The following DNAH7 variants were observed in gnomAD, a reference collection of about 807,000 sequenced individuals.
DNAH7 encodes the protein dynein axonemal heavy chain 7, also known as axonemal beta dynein heavy chain 7.
In DNAH7, 397 loss-of-function variants were observed where a neutral mutation model predicts 444.6. The observed-to-expected ratio is 0.89, with a 90% CI of 0.82 to 0.97. The LOEUF (loss-of-function observed/expected upper bound fraction) is 0.97, where lower values mean the gene tolerates loss of function less well. Ranked by LOEUF, DNAH7 falls within the 50% of genes least tolerant of loss-of-function variation. The pLI is 0.00. For synonymous variants in DNAH7, 1,636 were observed against 1,624.4 expected, an observed-to-expected ratio of 1.01 and a Z score of -0.17; for missense variants, 4,902 against 4,800.8, an observed-to-expected ratio of 1.02 and a Z score of -0.62.
At chr2:195,937,583 G>C (rs575191022) in intron 19 of DNAH7, among the ~76,000 whole-genome samples, 1 of 152,134 alleles carries the variant, frequency 6.6e-6, no homozygotes, top group East Asian at 1.9e-4. Context: ...AGTAAATAGA[G>C]TTTATTGATT....
At chr2:196,022,078 G>C (rs759543637) in intron 8 of DNAH7, among the ~76,000 whole-genome samples, 6 of 152,024 alleles carry the variant, frequency 3.9e-5, no homozygotes, top group Non-Finnish European at 5.9e-5. Context: ...AGTGAGCCAA[G>C]ATCACACCAC....
Position 195,792,161 on chromosome 2 carries a change from T to C in DNAH7, c.10716+2177A>G, listed in dbSNP as rs565184617. On this transcript the variant is annotated intron_variant, in intron 57 of 64. Coordinates refer to ENST00000312428, the MANE Select transcript of DNAH7 (RefSeq NM_018897.3). ...CAACCTGGGCAATAGAGTGAGACCC[T>C]GTCTCAAAAAAAAAAAAAAAAAAAA... Among the ~76,000 whole-genome samples the C allele has an allele frequency of 2.9e-3, 238 of 81,432 alleles. 1 individual carries two copies. The highest frequency in any genetic ancestry group is 0.011 in the African/African-American group (218 of 20,002). 53.4% of individuals were successfully genotyped at this position (81,432 alleles called of 152,430 possible). A position where few individuals can be genotyped will look rare whatever the true frequency, so the allele number is the denominator to read the frequency against.
chr2:195,745,502 G>C (rs994228429), intron 63 of DNAH7, among the ~76,000 whole-genome samples: 1 of 152,070 alleles, frequency 6.6e-6, no homozygotes, highest in East Asian at 1.9e-4. Context: ...GAAATACAGA[G>C]AACGCCACAA....
chr2:195,926,705 C>T (rs1001537678), intron 21 of DNAH7, 139 bp from the exon 22 acceptor site: 4 of 661,942 alleles, frequency 6.0e-6, no homozygotes, highest in South Asian at 3.8e-5. Flanking sequence ...TCACTTAAAC[C>T]GTGTGATTAC....
intron 17 of DNAH7, among the ~76,000 whole-genome samples, chr2:195,963,029 T>A (rs535683739): frequency 6.6e-6 from 1 of 152,340 alleles, no homozygotes; most frequent in South Asian, 2.1e-4. Flanking sequence ...GCTGGACACT[T>A]AGGCTTCCAA....
intron 60 of DNAH7, among the ~76,000 whole-genome samples, chr2:195,775,166 G>T (rs755312302): frequency 6.6e-6 from 1 of 152,192 alleles, no homozygotes; most frequent in Admixed American, 6.5e-5. Context: ...ATTAGCAGAT[G>T]TTCTTCATTA....
At position 195,960,516 on chromosome 2, in the gene DNAH7, T is replaced by C. The variant is rs1459724056; in HGVS notation, c.2635A>G (p.Met879Val). ...DDSTVSSFLD[M>V]NLEPYIDRFE... is the part of the protein sequence containing the mutation. ...CGGTCTATATATGGTTCCAGATTCA[T>C]GTCTAAAAAAGAGGAGACTGTGGAG... The change falls in exon 18 of 65, where the codon ATG becomes GTG. Residue 879 changes from methionine (M) to valine (V), a missense_variant. By Grantham distance (21) the Met-to-Val change is conservative. Transcript: ENST00000312428. 8 of 1,614,204 alleles carry C rather than the reference T, an allele frequency of 5.0e-6. No homozygotes were observed. The highest frequency in any genetic ancestry group is 2.2e-5 in the South Asian group (2 of 91,080).
At chr2:195,818,985 C>T (rs72915124) in intron 49 of DNAH7, among the ~76,000 whole-genome samples, 12,499 of 152,014 alleles carry the variant, frequency 0.082, 671 homozygotes, top group Middle Eastern at 0.19. Context: ...ATGTCTTAAG[C>T]ATCACCTCCC....
At chr2:196,011,416 G>C (rs1694720607) in intron 10 of DNAH7, among the ~76,000 whole-genome samples, 1 of 151,978 alleles carries the variant, frequency 6.6e-6, no homozygotes, top group South Asian at 2.1e-4. Context: ...CAAAGACCTG[G>C]GGAACCCTAC....
In DNAH7 at chr2:195,799,409, G is replaced by C. The variant is rs376685120; in HGVS notation, c.10240C>G (p.Pro3414Ala). ...RLGRAFIEPP[P>A]FDLAKAFGDS... ...CCAAATGCCTTGGCTAAATCAAAGG[G>C]GGGTGGTTCAATGAATGCACGTCCC... Residue 3414 changes from proline (P) to alanine (A), a missense_variant, in exon 55 of 65, where the codon CCC becomes GCC. Pro to Ala is a conservative substitution (Grantham distance 27). Coordinates refer to ENST00000312428, the MANE Select transcript of DNAH7 (RefSeq NM_018897.3). 6 of 1,610,582 alleles carry C rather than the reference G, an allele frequency of 3.7e-6. No homozygotes were observed. The highest frequency in any genetic ancestry group is 4.2e-6 in the Non-Finnish European group (5 of 1,178,502).
intron 19 of DNAH7, among the ~76,000 whole-genome samples, chr2:195,948,290 G>A (rs1354746174): frequency 1.3e-5 from 2 of 152,112 alleles, no homozygotes; most frequent in Admixed American, 6.5e-5. Context: ...AAGCTCTTTA[G>A]TTTAATTATA....
At chr2:196,048,550 C>G in intron 3 of DNAH7, 146 bp from the exon 4 acceptor site, 1 of 676,020 alleles carries the variant, frequency 1.5e-6, no homozygotes. Flanking sequence ...AGATCTTATT[C>G]AAGCCTGTGA....
intron 5 of DNAH7, 41 bp downstream of exon 5, chr2:196,047,311 C>T (rs1697194543): frequency 6.8e-7 from 1 of 1,475,412 alleles, no homozygotes; most frequent in Non-Finnish European, 9.1e-7. Flanking sequence ...GCCAGGGGCT[C>T]TAACATGGGT....
intron 10 of DNAH7, among the ~76,000 whole-genome samples, chr2:196,004,470 G>A (rs1273478497): frequency 6.6e-6 from 1 of 152,128 alleles, no homozygotes; most frequent in South Asian, 2.1e-4. Flanking sequence ...AAGACACTTA[G>A]AAATTCACAA....
intron 19 of DNAH7, among the ~76,000 whole-genome samples, chr2:195,945,778 G>T (rs1026552304): frequency 1.3e-5 from 2 of 152,192 alleles, no homozygotes; most frequent in Non-Finnish European, 2.9e-5. Flanking sequence ...ACAAGAAAAG[G>T]AAAATGTTTG....
chr2:195,994,055 C>T (rs571727700), intron 12 of DNAH7, among the ~76,000 whole-genome samples: 1 of 152,290 alleles, frequency 6.6e-6, no homozygotes, highest in East Asian at 1.9e-4. Flanking sequence ...AGGGAGCCTG[C>T]AACTGTGCAT....
intron 19 of DNAH7, among the ~76,000 whole-genome samples, chr2:195,952,445 C>T (rs1690327794): frequency 6.6e-6 from 1 of 152,126 alleles, no homozygotes; most frequent in East Asian, 1.9e-4. Flanking sequence ...GTGGTGTTCT[C>T]TGTATTTCCT....
intron 9 of DNAH7, 89 bp downstream of exon 9, chr2:196,019,081 C>A (rs1695206538): frequency 1.6e-6 from 2 of 1,234,406 alleles, no homozygotes; most frequent in Non-Finnish European, 2.1e-6. Context: ...TTTTACTTTG[C>A]AGTTAAAATA....
At chr2:195,805,736 C>T (rs569369168) in intron 54 of DNAH7, among the ~76,000 whole-genome samples, 2 of 152,288 alleles carry the variant, frequency 1.3e-5, no homozygotes, top group East Asian at 3.9e-4. Flanking sequence ...TCATAGACCC[C>T]TGGAAGTATT....
Sources: allele counts gnomAD v4.1 joint callset (sites outside exome capture counted in the v4.1 genomes callset), GRCh38; gene constraint gnomAD v4.1.1; transcripts MANE v1.5; gene names NCBI Gene and HGNC (gene_info 2026-07-23, HGNC 2026-07-21).